Variants in FANCL observed in about 807,000 individuals in gnomAD.
FANCL encodes the protein E3 ubiquitin-protein ligase FANCL.
Under a neutral mutation model 59.4 loss-of-function variants are expected in FANCL, and 69 were observed. The ratio of observed to expected loss-of-function variants is 1.16; its 90% CI spans 0.96 to 1.42. The LOEUF is 1.42. Ranked by LOEUF, FANCL falls within the 40% of genes most tolerant of loss-of-function variation. The pLI is 0.00. For missense variants in FANCL, 519 were observed against 447.2 expected (o/e 1.16, Z -1.45); for synonymous variants, 180 against 147.1 (o/e 1.22, Z -1.62).
At chr2:58,223,234 T>C (rs1400437116) in intron 4 of FANCL, among the ~76,000 whole-genome samples, 29 of 151,598 alleles carry the variant, frequency 1.9e-4, no homozygotes, top group Admixed American at 1.4e-3. Flanking sequence ...ACAAAGTATA[T>C]GCTGCCTTTT....
chr2:58,204,273 G>A (rs747077812), intron 5 of FANCL, 47 bp from the exon 6 acceptor site: 3 of 1,352,880 alleles, frequency 2.2e-6, no homozygotes, highest in East Asian at 4.6e-5. Context: ...GGGAGAGCTG[G>A]AGAGGGGAAC....
chr2:58,212,247 G>A (rs1691243416), intron 5 of FANCL, among the ~76,000 whole-genome samples: 1 of 152,202 alleles, frequency 6.6e-6, no homozygotes, highest in Admixed American at 6.5e-5. Flanking sequence ...GAATGAGGAA[G>A]ATGCAAAAGC....
chr2:58,165,582 A>C, intron 8 of FANCL, 142 bp downstream of exon 8: 1 of 919,496 alleles, frequency 1.1e-6, no homozygotes, highest in East Asian at 2.6e-5. Context: ...TTAAATGTGT[A>C]GCCAAAAAAA....
intron 5 of FANCL, among the ~76,000 whole-genome samples, chr2:58,219,737 A>G (rs1692288559): frequency 6.6e-6 from 1 of 152,152 alleles, no homozygotes; most frequent in African/African-American, 2.4e-5. Context: ...ATTTGACTCT[A>G]AATTTCCTAG....
intron 8 of FANCL, among the ~76,000 whole-genome samples, chr2:58,165,369 A>T (rs1471600911): frequency 6.6e-6 from 1 of 152,202 alleles, no homozygotes; most frequent in Non-Finnish European, 1.5e-5. Flanking sequence ...ATCTGAGAAG[A>T]TTGTAAGCTT....
intron 5 of FANCL, among the ~76,000 whole-genome samples, chr2:58,217,981 T>C (rs184809303): frequency 9.9e-5 from 15 of 152,094 alleles, no homozygotes; most frequent in Non-Finnish European, 1.9e-4. Context: ...CTTCAAAGTA[T>C]TGAGATAATT....
chr2:58,220,686 A>G (rs1692389534), intron 5 of FANCL, among the ~76,000 whole-genome samples: 1 of 152,150 alleles, frequency 6.6e-6, no homozygotes, highest in Non-Finnish European at 1.5e-5. Flanking sequence ...TTAAATGGCG[A>G]TTTGATTTTC....
intron 6 of FANCL, among the ~76,000 whole-genome samples, chr2:58,202,933 C>T (rs149111862): frequency 6.8e-6 from 1 of 147,202 alleles, no homozygotes; most frequent in Admixed American, 6.9e-5. Context: ...TACTAAGGTA[C>T]AAAATATAAA....
Position 58,162,923 on chromosome 2 carries a change from T to C in FANCL, c.846A>G (p.Gln282=), listed in dbSNP as rs535158133. Residue 282 remains glutamine, a synonymous_variant, in exon 11 of 14, where the codon CAA becomes CAG. Coordinates refer to ENST00000233741, the MANE Select transcript of FANCL (RefSeq NM_018062.4). ...CAATTTCTAAAACATCTTTCAAATT[T>C]TGTAACACACTATTTTCTGGATCCC... ...HLWDPENSVL[Q]NLKDVLEIDF... is the part of the protein sequence containing the mutation. 28 of 1,612,954 alleles carry C rather than the reference T, an allele frequency of 1.7e-5. No homozygotes were observed. The Admixed American group carries it at 4.2e-4, about 24-fold the overall frequency.
chr2:58,179,903 T>C (rs1258190311), intron 7 of FANCL, among the ~76,000 whole-genome samples: 1 of 152,092 alleles, frequency 6.6e-6, no homozygotes, highest in East Asian at 1.9e-4. Context: ...TATCTAAAAG[T>C]AGGCAAAGGA....
intron 7 of FANCL, among the ~76,000 whole-genome samples, chr2:58,181,356 T>C (rs1687924693): frequency 6.6e-6 from 1 of 152,004 alleles, no homozygotes; most frequent in African/African-American, 2.4e-5. Flanking sequence ...TAACTAAGCT[T>C]TGGTGGAAAA....
intron 7 of FANCL, among the ~76,000 whole-genome samples, chr2:58,174,694 C>T (rs777874853): frequency 6.6e-6 from 1 of 152,046 alleles, no homozygotes; most frequent in African/African-American, 2.4e-5. Context: ...CAGCAAAGAT[C>T]CAAAATTGAC....
chr2:58,163,769 TG>T (rs1685564769), intron 8 of FANCL, among the ~76,000 whole-genome samples: 2 of 152,048 alleles, frequency 1.3e-5, no homozygotes, highest in Admixed American at 6.6e-5. Context: ...ATTGCAATTC[TG>T]GTCAACTGTA....
intron 7 of FANCL, among the ~76,000 whole-genome samples, chr2:58,187,762 T>C (rs1257678008): frequency 1.3e-5 from 2 of 152,194 alleles, no homozygotes; most frequent in African/African-American, 4.8e-5. Flanking sequence ...TTGAAAAATC[T>C]AGAACGTGTG....
intron 5 of FANCL, among the ~76,000 whole-genome samples, chr2:58,217,198 AT>A (rs2103646000): frequency 1.9e-4 from 1 of 5,386 alleles, no homozygotes; most frequent in Non-Finnish European, 3.1e-4. Context: ...ATATATATAT[AT>A]ATATATATAT....
chr2:58,223,539 G>T (rs1692689303), intron 4 of FANCL, among the ~76,000 whole-genome samples: 1 of 151,948 alleles, frequency 6.6e-6, no homozygotes, highest in African/African-American at 2.4e-5. Context: ...AGTCAGGTAA[G>T]TTACTCCTAC....
intron 1 of FANCL, among the ~76,000 whole-genome samples, chr2:58,234,288 T>G (rs1288380381): frequency 1.3e-5 from 2 of 152,002 alleles, no homozygotes; most frequent in Non-Finnish European, 2.9e-5. Flanking sequence ...TGAGAAATTG[T>G]ATTTTAAAAA....
chr2:58,217,195 T>G (rs866236705), intron 5 of FANCL, among the ~76,000 whole-genome samples: 4 of 20,818 alleles, frequency 1.9e-4, no homozygotes, highest in African/African-American at 3.9e-4. Context: ...TATATATATA[T>G]ATATATATAT....
intron 7 of FANCL, among the ~76,000 whole-genome samples, chr2:58,195,980 T>C (rs1017812677): frequency 2.0e-5 from 3 of 152,138 alleles, no homozygotes; most frequent in African/African-American, 7.2e-5. Context: ...GCAGCACTGT[T>C]TGTCAGAATT....
Sources: gnomAD v4.1 joint callset for allele counts (sites outside exome capture counted in the v4.1 genomes callset) on GRCh38, gnomAD v4.1.1 for gene constraint, MANE v1.5 for transcripts, NCBI Gene and HGNC (gene_info 2026-07-23, HGNC 2026-07-21) for gene names.